The following GPC5 variants were observed in gnomAD, a reference collection of about 807,000 sequenced individuals.
GPC5 encodes glypican 5.
Under a neutral mutation model 53.9 loss-of-function variants are expected in GPC5, and 47 were observed. The ratio of observed to expected loss-of-function variants is 0.87; its 90% confidence interval spans 0.69 to 1.11. GPC5 has a LOEUF of 1.11. Among genes scored for constraint, GPC5 ranks in the 50% most tolerant of loss-of-function variants. GPC5 has a pLI of 0.00. For missense variants in GPC5, 748 were observed against 713.1 expected, an observed-to-expected ratio of 1.05 and a Z score of -0.56; for synonymous variants, 286 against 263.3, an observed-to-expected ratio of 1.09 and a Z score of -0.84.
intron 4 of GPC5, 135 bp from the exon 5 acceptor site, chr13:91,756,160 A>C (rs574951085): frequency 3.7e-6 from 2 of 546,146 alleles, no homozygotes; most frequent in East Asian, 7.5e-5. Context: ...AAAATGTAAA[A>C]AATTATATTC....
intron 6 of GPC5, among the ~76,000 whole-genome samples, chr13:91,998,673 T>G (rs1210634983): frequency 6.6e-6 from 1 of 152,178 alleles, no homozygotes; most frequent in Non-Finnish European, 1.5e-5. Flanking sequence ...AAACTGAAAA[T>G]GAGTGTGGCT....
At chr13:92,792,118 C>G (rs1876487223) in intron 7 of GPC5, among the ~76,000 whole-genome samples, 1 of 151,970 alleles carries the variant, frequency 6.6e-6, no homozygotes, top group Non-Finnish European at 1.5e-5. Flanking sequence ...TCAGATTCAC[C>G]AAGGTTGAAA....
intron 2 of GPC5, among the ~76,000 whole-genome samples, chr13:91,503,778 C>A (rs1884778729): frequency 3.0e-5 from 1 of 33,078 alleles, no homozygotes; most frequent in Admixed American, 4.2e-4. Flanking sequence ...GACTCTGTCT[C>A]AAAATAATAA....
At chr13:92,596,786 T>C (rs1883897433) in intron 7 of GPC5, among the ~76,000 whole-genome samples, 1 of 152,204 alleles carries the variant, frequency 6.6e-6, no homozygotes, top group South Asian at 2.1e-4. Context: ...TCAGTATAAT[T>C]CTAAAGTCAT....
intron 2 of GPC5, among the ~76,000 whole-genome samples, chr13:91,479,009 T>G (rs1883160049): frequency 6.7e-6 from 1 of 150,076 alleles, no homozygotes; most frequent in Admixed American, 6.7e-5. Flanking sequence ...GCCTTCTGGG[T>G]TCAAGCGATT....
rs533550477 is a variant in GPC5 at position 91,967,286 on chromosome 13, A to T, written c.1401+59229A>T. On this transcript the variant is annotated intron_variant, in intron 6 of 7. Transcript: ENST00000377067. Reference sequence around the variant, plus strand: ...TCTCCCACTGGTTCCCTCCCACAACACATGGGAATTATGGGAGCTACAATT... The same window carrying T: ...TCTCCCACTGGTTCCCTCCCACAACTCATGGGAATTATGGGAGCTACAATT... Among the ~76,000 whole-genome samples the T allele has an allele frequency of 1.5e-3, 231 of 152,306 alleles. 1 individual carries two copies. In the Middle Eastern group the frequency reaches 0.051, roughly 34 times the overall value.
At chr13:92,109,251 C>T (rs1185107694) in intron 6 of GPC5, among the ~76,000 whole-genome samples, 2 of 151,226 alleles carry the variant, frequency 1.3e-5, no homozygotes, top group African/African-American at 4.9e-5. Context: ...TTTTTTTGTG[C>T]AGATGGGGTT....
chr13:91,458,516 G>A (rs1034883750), intron 2 of GPC5, among the ~76,000 whole-genome samples: 14 of 151,930 alleles, frequency 9.2e-5, no homozygotes, highest in African/African-American at 1.5e-4. Flanking sequence ...TCAACATCAC[G>A]AATTATCGGG....
chr13:92,860,339 G>A (rs563281224), intron 7 of GPC5, among the ~76,000 whole-genome samples: 6 of 152,148 alleles, frequency 3.9e-5, no homozygotes, highest in South Asian at 4.2e-4. Context: ...TAGGGCTACC[G>A]GGAACCTTGT....
At chr13:92,551,944 T>G (rs554430910) in intron 7 of GPC5, among the ~76,000 whole-genome samples, 3 of 152,032 alleles carry the variant, frequency 2.0e-5, no homozygotes, top group African/African-American at 7.2e-5. Context: ...TTCCAGTTAG[T>G]ACTACAAGAT....
At chr13:92,670,271 G>A (rs1411195627) in intron 7 of GPC5, among the ~76,000 whole-genome samples, 19 of 152,100 alleles carry the variant, frequency 1.2e-4, no homozygotes, top group African/African-American at 4.6e-4. Flanking sequence ...CCAAGGAGAC[G>A]AGGCTTGAGA....
At chr13:91,578,782 G>A (rs905432987) in intron 2 of GPC5, among the ~76,000 whole-genome samples, 3 of 151,834 alleles carry the variant, frequency 2.0e-5, no homozygotes, top group African/African-American at 4.8e-5. Context: ...GCGGTGGCTC[G>A]TGCCTGTAAT....
At chr13:92,398,602 A>G (rs1875406971) in intron 7 of GPC5, among the ~76,000 whole-genome samples, 1 of 151,578 alleles carries the variant, frequency 6.6e-6, no homozygotes, top group South Asian at 2.1e-4. Context: ...ACTTTCATAT[A>G]TTTTCTCTGG....
At chr13:91,958,583 A>C (rs557169829) in intron 6 of GPC5, among the ~76,000 whole-genome samples, 1 of 152,178 alleles carries the variant, frequency 6.6e-6, no homozygotes, top group East Asian at 1.9e-4. Context: ...CATTCTTCTC[A>C]TTGGCACATG....
At chr13:91,923,816 A>C (rs534946989) in intron 6 of GPC5, among the ~76,000 whole-genome samples, 2 of 152,272 alleles carry the variant, frequency 1.3e-5, no homozygotes, top group Admixed American at 1.3e-4. Flanking sequence ...ATCTAATTCA[A>C]CTTCATTTAA....
At chr13:92,847,787 C>T (rs574885260) in intron 7 of GPC5, among the ~76,000 whole-genome samples, 1 of 152,162 alleles carries the variant, frequency 6.6e-6, no homozygotes, top group East Asian at 1.9e-4. Context: ...TTTTTTTATT[C>T]AACGTGTATC....
At chr13:91,480,227 C>T (rs766680769) in intron 2 of GPC5, among the ~76,000 whole-genome samples, 3 of 152,152 alleles carry the variant, frequency 2.0e-5, no homozygotes, top group Admixed American at 6.6e-5. Context: ...AATATAAACA[C>T]GTCTTCATTT....
chr13:91,480,604 A>C (rs763945910), intron 2 of GPC5, among the ~76,000 whole-genome samples: 2 of 152,222 alleles, frequency 1.3e-5, no homozygotes, highest in Non-Finnish European at 2.9e-5. Flanking sequence ...GACATATTGC[A>C]TACAATTTCT....
chr13:91,662,549 C>T (rs2035010873), intron 2 of GPC5, among the ~76,000 whole-genome samples: 1 of 152,092 alleles, frequency 6.6e-6, no homozygotes, highest in Non-Finnish European at 1.5e-5. Flanking sequence ...GAATTTTTCC[C>T]CTTATGATCT....
Sources: allele counts gnomAD v4.1 joint callset (sites outside exome capture counted in the v4.1 genomes callset), GRCh38; gene constraint gnomAD v4.1.1; transcripts MANE v1.5; gene names NCBI Gene and HGNC (gene_info 2026-07-23, HGNC 2026-07-21).